The following ANK2 variants were observed in gnomAD, a reference collection of about 807,000 sequenced individuals.
The protein encoded by ANK2 is ankyrin-2.
A neutral mutation model predicts 360.5 loss-of-function variants in ANK2; 83 were observed. The ratio of observed to expected loss-of-function variants is 0.23; its 90% CI spans 0.19 to 0.28. The LOEUF is 0.28. ANK2 is among the 10% of genes least tolerant of loss of function. The pLI, the probability that ANK2 is intolerant of heterozygous loss-of-function variation, is 1.00. For missense variants in ANK2, 4,201 were observed against 4,795.7 expected (o/e 0.88, Z 3.66); for synonymous variants, 1,740 against 1,759.5 (o/e 0.99, Z 0.28).
the ANK2 span, chr4:112,788,175 A>G: frequency 1.3e-6 from 2 of 1,584,038 alleles, no homozygotes; most frequent in Non-Finnish European, 1.7e-6. Context: ...TTGCCACCCC[A>G]GTGACGGCAG....
intron 1 of ANK2, among the ~76,000 whole-genome samples, chr4:113,162,989 AT>A (rs1448525153): frequency 6.6e-6 from 1 of 152,050 alleles, no homozygotes; most frequent in Non-Finnish European, 1.5e-5. Flanking sequence ...GAAAGCTATA[AT>A]TTTTTTCCAG....
intron 4 of ANK2, among the ~76,000 whole-genome samples, chr4:113,207,712 A>T (rs1043971590): frequency 1.3e-5 from 2 of 150,532 alleles, no homozygotes; most frequent in African/African-American, 2.4e-5. Flanking sequence ...AAAAAGAAGA[A>T]GTAAAAACAT....
At chr4:113,097,408 T>C (rs1237190681) in intron 1 of ANK2, among the ~76,000 whole-genome samples, 1 of 152,114 alleles carries the variant, frequency 6.6e-6, no homozygotes, top group Non-Finnish European at 1.5e-5. Context: ...GTAAGGTAGA[T>C]TTGGCTGCGT....
chr4:113,179,224 AG>A (rs960213581), intron 2 of ANK2, among the ~76,000 whole-genome samples: 5 of 152,330 alleles, frequency 3.3e-5, no homozygotes, highest in African/African-American at 9.6e-5. Context: ...TGTATCCTCT[AG>A]TTTGCTGCTA....
chr4:113,202,633 A>G (rs2098846948), intron 4 of ANK2, among the ~76,000 whole-genome samples: 1 of 152,234 alleles, frequency 6.6e-6, no homozygotes, highest in Non-Finnish European at 1.5e-5. Flanking sequence ...AGAAGATAAC[A>G]AATTTTCTGA....
At chr4:112,978,455 G>T (rs2042114512) in intron 2 of ANK2, among the ~76,000 whole-genome samples, 1 of 152,094 alleles carries the variant, frequency 6.6e-6, no homozygotes. Context: ...CTGAAACTCT[G>T]TACACATTAA....
At position 113,040,811 on chromosome 4, in the gene ANK2, A is replaced by G. The variant is rs17045441; in HGVS notation, c.22-133605A>G. On this transcript the variant is annotated intron_variant, in intron 2 of 30. Transcript: ENST00000503271. ...GGGTCCTGTCTTCCCTATGCTAACT[A>G]ATTGTGGTACCTTGAGAGCAGTCCC... 3.2e-3 allele frequency among the ~76,000 whole-genome samples: 494 copies of G among 152,082 alleles called. 26 individuals carry two copies. In the East Asian group the frequency reaches 0.088, roughly 27 times the overall value.
At chr4:113,372,805 C>T (rs779947165) in intron 43 of ANK2, among the ~76,000 whole-genome samples, 6 of 152,208 alleles carry the variant, frequency 3.9e-5, no homozygotes, top group Non-Finnish European at 1.5e-5. Flanking sequence ...CAGCTTTCCT[C>T]CAGGAGAGCC....
chr4:112,894,501 A>G (rs1191227355), intron 1 of ANK2, among the ~76,000 whole-genome samples: 1 of 152,236 alleles, frequency 6.6e-6, no homozygotes, highest in Non-Finnish European at 1.5e-5. Context: ...TTGCTGTTCT[A>G]TGTAAGAGTT....
In ANK2 at chr4:113,317,725, C is replaced by T. The variant is rs149310669; in HGVS notation, c.2712C>T (p.Ser904=). Residue 904 remains serine, a synonymous_variant, in exon 25 of 46, where the codon TCC becomes TCT. Transcript: ENST00000357077. ...GRSDSLRSFS[S]DRSHTLSHAS... ...CTACCAGCCTTCGATCCTTCAGTTC[C>T]GACAGGTCTCACACTCTGAGCCATG... 3.3e-5 allele frequency: 53 copies of T among 1,613,904 alleles called. 1 individual carries two copies. In the Middle Eastern group the frequency reaches 2.2e-3, roughly 66 times the overall value.
In ANK2 at chr4:113,282,847, G is replaced by C. The variant is rs1200160910; in HGVS notation, c.2054G>C (p.Gly685Ala). 6.2e-7 allele frequency: 1 copy of C among 1,613,866 alleles called. No individual in the cohort carries two copies. The highest frequency in any genetic ancestry group is 8.5e-7 in the Non-Finnish European group (1 of 1,179,952). Residue 685 changes from glycine (G) to alanine (A), a missense_variant, in exon 18 of 46, where the codon GGA becomes GCA. By Grantham distance (60) the Gly-to-Ala change is moderately conservative. Coordinates refer to ENST00000357077, the MANE Select transcript of ANK2 (RefSeq NM_001148.6). ...TDMVTLLLDKGANIHMSTKSG... is the reference protein window; with the variant it reads ...TDMVTLLLDKAANIHMSTKSG... ...ATGGTTACCTTGCTTCTGGATAAGG[G>C]AGCCAATATCCACATGTCAACTAAG...
At chr4:113,281,772 A>G (rs1272388874) in intron 17 of ANK2, among the ~76,000 whole-genome samples, 1 of 152,142 alleles carries the variant, frequency 6.6e-6, no homozygotes, top group Non-Finnish European at 1.5e-5. Flanking sequence ...TGGGGTATAG[A>G]GTTTTGTTCT....
chr4:113,004,391 T>A (rs1207544701), intron 2 of ANK2, among the ~76,000 whole-genome samples: 2 of 152,122 alleles, frequency 1.3e-5, no homozygotes, highest in Admixed American at 6.5e-5. Flanking sequence ...TTTTTGTTTT[T>A]AATTTTTTTT....
At chr4:112,969,477 C>T (rs1346123923) in intron 2 of ANK2, among the ~76,000 whole-genome samples, 1 of 152,148 alleles carries the variant, frequency 6.6e-6, no homozygotes, top group East Asian at 1.9e-4. Context: ...AATGTTGACA[C>T]CTTTTGCTGC....
At chr4:112,912,733 G>A (rs577000759) in intron 2 of ANK2, among the ~76,000 whole-genome samples, 52 of 152,204 alleles carry the variant, frequency 3.4e-4, no homozygotes, top group African/African-American at 1.2e-3. Flanking sequence ...ATATGTATAT[G>A]TAAATTAAAT....
chr4:113,379,299 C>G (rs1373809080), intron 45 of ANK2, among the ~76,000 whole-genome samples: 1 of 152,138 alleles, frequency 6.6e-6, no homozygotes, highest in Non-Finnish European at 1.5e-5. Flanking sequence ...ATCAATTAAT[C>G]CAAAGTTCTC....
In ANK2 at chr4:113,357,888, AGAG is replaced by A. The variant is rs753675475; in HGVS notation, c.9272_9274del (p.Glu3091del). On this transcript the variant is annotated inframe_deletion, in exon 38 of 46. Coordinates refer to ENST00000357077, the MANE Select transcript of ANK2 (RefSeq NM_001148.6). ...CCACTCCTGCTAGGACCCCAACTGA[AGAG>A]GGGACCCCAACAAGTGAGCAAAACC... 1 of 1,614,126 alleles carries A rather than the reference AGAG, an allele frequency of 6.2e-7. No homozygotes were observed. Among genetic ancestry groups the A allele is most frequent in the Non-Finnish European group, 8.5e-7 (1 of 1,179,980 alleles).
rs192754967 is a variant in ANK2 at position 113,309,795 on chromosome 4, C to T, written c.2549-1460C>T. On this transcript the variant is annotated intron_variant, in intron 23 of 45. Coordinates refer to ENST00000357077, the MANE Select transcript of ANK2 (RefSeq NM_001148.6). ...TCGGCCTCCCAAAGTGCTGGGATTA[C>T]AGGTGTGAACCACTGTACCTGGCCA... 1.7e-3 allele frequency among the ~76,000 whole-genome samples: 256 copies of T among 152,300 alleles called. 1 individual carries two copies. The highest frequency in any genetic ancestry group is 5.6e-3 in the African/African-American group (233 of 41,562).
chr4:113,274,419 C>T (rs367603721), intron 14 of ANK2, 33 bp from the exon 15 acceptor site: 541 of 1,606,404 alleles, frequency 3.4e-4, no homozygotes, highest in Middle Eastern at 5.0e-4. Flanking sequence ...TCTGTCTGCC[C>T]GGCACTAACT....
Sources: allele counts gnomAD v4.1 joint callset (sites outside exome capture counted in the v4.1 genomes callset), GRCh38; gene constraint gnomAD v4.1.1; transcripts MANE v1.5; gene names NCBI Gene and HGNC (gene_info 2026-07-23, HGNC 2026-07-21).